The following NXPE2 variants were observed in gnomAD, a reference collection of about 807,000 sequenced individuals.
NXPE2 encodes the protein neurexophilin and PC-esterase domain family member 2.
A neutral mutation model predicts 34.4 loss-of-function variants in NXPE2; 34 were observed. That is an observed-to-expected ratio of 0.99 (90% confidence interval 0.75 to 1.31). The LOEUF (loss-of-function observed/expected upper bound fraction) is 1.31, where lower values mean the gene tolerates loss of function less well. Among genes scored for constraint, NXPE2 ranks in the 40% most tolerant of loss-of-function variants. The pLI is 0.00. For synonymous variants in NXPE2, 235 were observed against 231.3 expected (o/e 1.02, Z -0.15); for missense variants, 649 against 672.5 (o/e 0.97, Z 0.39).
chr11:114,513,086 T>C, the NXPE2 span: 4 of 516,922 alleles, frequency 7.7e-6, no homozygotes, highest in East Asian at 1.0e-4. Context: ...ATTGTTGAAG[T>C]TGATCACCTT....
downstream of NXPE2, among the ~76,000 whole-genome samples, chr11:114,711,031 A>G (rs1859601821): frequency 6.6e-6 from 1 of 152,206 alleles, no homozygotes; most frequent in Non-Finnish European, 1.5e-5. Flanking sequence ...AGCATTTGAC[A>G]AAATTTAACA....
the NXPE2 span, among the ~76,000 whole-genome samples, chr11:114,801,005 G>A: frequency 2.6e-5 from 4 of 151,936 alleles, no homozygotes; most frequent in Admixed American, 6.6e-5. Flanking sequence ...TAGCTCTTGC[G>A]ATCTCCTTTA....
the NXPE2 span, chr11:114,522,984 A>T: frequency 6.2e-7 from 1 of 1,613,778 alleles, no homozygotes; most frequent in East Asian, 2.2e-5. Flanking sequence ...ATTGTGTCTA[A>T]CTGAACCTGG....
the NXPE2 span, among the ~76,000 whole-genome samples, chr11:114,646,280 C>T: frequency 4.2e-4 from 64 of 151,540 alleles, no homozygotes; most frequent in Admixed American, 4.1e-3. Flanking sequence ...TCTAGTTTTT[C>T]AAGAATTTTT....
the NXPE2 span, among the ~76,000 whole-genome samples, chr11:114,532,646 T>C: frequency 2.6e-5 from 4 of 152,168 alleles, no homozygotes; most frequent in East Asian, 3.8e-4. Flanking sequence ...GTAAGTATGA[T>C]ACAAGAAAAG....
intron 2 of NXPE2, among the ~76,000 whole-genome samples, chr11:114,694,351 T>C (rs946914988): frequency 6.6e-6 from 1 of 152,218 alleles, no homozygotes; most frequent in Admixed American, 6.5e-5. Context: ...TTCTTTCCTG[T>C]ATGGCTTGTA....
chr11:114,476,392 C>T, the NXPE2 span, among the ~76,000 whole-genome samples: 71 of 152,234 alleles, frequency 4.7e-4, no homozygotes, highest in Non-Finnish European at 7.6e-4. Flanking sequence ...TTCCTCTCTC[C>T]ACAAATATAT....
chr11:114,491,559 T>C, the NXPE2 span, among the ~76,000 whole-genome samples: 1 of 152,158 alleles, frequency 6.6e-6, no homozygotes, highest in African/African-American at 2.4e-5. Flanking sequence ...ACGTTGTTGG[T>C]GGGACTGTAA....
At chr11:114,560,159 T>C in the NXPE2 span, among the ~76,000 whole-genome samples, 9 of 152,154 alleles carry the variant, frequency 5.9e-5, no homozygotes, top group Admixed American at 5.9e-4. Context: ...AGTGACTCTA[T>C]GGATAGGCTT....
chr11:114,582,795 C>T, the NXPE2 span: 336 of 1,614,074 alleles, frequency 2.1e-4, 1 homozygote, highest in African/African-American at 3.8e-3. Flanking sequence ...GTACGTATCT[C>T]GAGGGTTGAG....
chr11:114,598,113 G>A, the NXPE2 span, among the ~76,000 whole-genome samples: 1 of 152,068 alleles, frequency 6.6e-6, no homozygotes, highest in Non-Finnish European at 1.5e-5. Flanking sequence ...ATTCTAAAAG[G>A]GAAAAATTGG....
the NXPE2 span, among the ~76,000 whole-genome samples, chr11:114,626,429 G>A: frequency 2.6e-5 from 4 of 151,528 alleles, no homozygotes; most frequent in South Asian, 2.1e-4. Context: ...GACACCTCAC[G>A]TGGCCGGGTA....
At chr11:114,491,634 T>C in the NXPE2 span, among the ~76,000 whole-genome samples, 522 of 152,292 alleles carry the variant, frequency 3.4e-3, 4 homozygotes, top group African/African-American at 0.012. Flanking sequence ...AGAAATACCA[T>C]GTGACCCAGC....
the NXPE2 span, among the ~76,000 whole-genome samples, chr11:114,617,697 C>T: frequency 3.3e-5 from 5 of 152,112 alleles, no homozygotes; most frequent in Non-Finnish European, 7.4e-5. Context: ...AGTACTGCCT[C>T]GTGGGTAACC....
chr11:114,554,576 AT>A, the NXPE2 span, among the ~76,000 whole-genome samples: 9 of 152,218 alleles, frequency 5.9e-5, no homozygotes, highest in Admixed American at 1.3e-4. Flanking sequence ...GTCAAATAGC[AT>A]TTTTTAATTA....
the NXPE2 span, among the ~76,000 whole-genome samples, chr11:114,557,046 C>T: frequency 2.0e-5 from 3 of 152,068 alleles, no homozygotes; most frequent in African/African-American, 7.2e-5. Context: ...GCGTGAGCCA[C>T]CACACCTGGC....
the NXPE2 span, among the ~76,000 whole-genome samples, chr11:114,492,761 A>T: frequency 6.6e-6 from 1 of 151,862 alleles, no homozygotes; most frequent in Non-Finnish European, 1.5e-5. Flanking sequence ...GGATGGTCTC[A>T]ATTTCTTGAC....
chr11:114,794,663 T>C, the NXPE2 span, among the ~76,000 whole-genome samples: 1 of 152,180 alleles, frequency 6.6e-6, no homozygotes, highest in Admixed American at 6.5e-5. Context: ...GTCTGTTCTG[T>C]ATGCAGCTAC....
At chr11:114,565,856 A>C in the NXPE2 span, among the ~76,000 whole-genome samples, 1 of 152,214 alleles carries the variant, frequency 6.6e-6, no homozygotes, top group Non-Finnish European at 1.5e-5. Context: ...GCCTGAGTCC[A>C]GGAAAGAGGT....
Sources: allele counts gnomAD v4.1 joint callset (sites outside exome capture counted in the v4.1 genomes callset), GRCh38; gene constraint gnomAD v4.1.1; transcripts MANE v1.5; gene names NCBI Gene and HGNC (gene_info 2026-07-23, HGNC 2026-07-21).